RHOJ: variants seen among roughly 807,000 people sequenced by gnomAD.
The protein encoded by RHOJ is rho-related GTP-binding protein RhoJ.
A neutral mutation model predicts 23.4 loss-of-function variants in RHOJ; 11 were observed. The ratio of observed to expected loss-of-function variants is 0.47; its 90% CI spans 0.30 to 0.78. RHOJ has a LOEUF of 0.78. Among genes scored for constraint, RHOJ ranks in the 30% least tolerant of loss-of-function variants. The probability of loss-of-function intolerance (pLI) is 0.08; values close to 1 mark genes in which losing one functional copy is unlikely to be tolerated. For synonymous variants in RHOJ, 102 were observed against 102.7 expected, an observed-to-expected ratio of 0.99 and a Z score of 0.04; for missense variants, 254 against 273.4, an observed-to-expected ratio of 0.93 and a Z score of 0.50.
chr14:63,231,416 T>C (rs145742360), intron 1 of RHOJ, among the ~76,000 whole-genome samples: 43 of 152,348 alleles, frequency 2.8e-4, no homozygotes, highest in Admixed American at 5.9e-4. Context: ...AATCACTTCC[T>C]TTATAACATG....
intron 1 of RHOJ, among the ~76,000 whole-genome samples, chr14:63,258,202 T>C (rs913640119): frequency 3.1e-5 from 4 of 127,846 alleles, no homozygotes; most frequent in Non-Finnish European, 6.3e-5. Flanking sequence ...CACTCCAGCC[T>C]GGGCAACAAG....
intron 1 of RHOJ, among the ~76,000 whole-genome samples, chr14:63,267,900 C>A (rs563546039): frequency 6.6e-6 from 1 of 152,164 alleles, no homozygotes; most frequent in African/African-American, 2.4e-5. Flanking sequence ...GGGGACGTAG[C>A]GCTTTTAAAC....
intron 1 of RHOJ, among the ~76,000 whole-genome samples, chr14:63,244,288 C>T (rs1361345282): frequency 6.6e-6 from 1 of 151,832 alleles, no homozygotes; most frequent in Non-Finnish European, 1.5e-5. Context: ...ATGTTCTGGC[C>T]GGGTGTGGTG....
intron 1 of RHOJ, among the ~76,000 whole-genome samples, chr14:63,245,205 T>G (rs562413162): frequency 5.3e-5 from 8 of 152,340 alleles, no homozygotes; most frequent in African/African-American, 1.9e-4. Context: ...TTCAACTCTT[T>G]CAGTGCTGTT....
At chr14:63,281,971 A>T (rs1267216823) in intron 3 of RHOJ, among the ~76,000 whole-genome samples, 1 of 152,184 alleles carries the variant, frequency 6.6e-6, no homozygotes, top group African/African-American at 2.4e-5. Context: ...AACACAAAGG[A>T]GAGAAAAGAA....
chr14:63,253,184 T>A (rs1895102302), intron 1 of RHOJ, among the ~76,000 whole-genome samples: 1 of 152,218 alleles, frequency 6.6e-6, no homozygotes, highest in Admixed American at 6.5e-5. Context: ...GTCCTGAGCC[T>A]AAGGCTGTCA....
rs759015315 is a variant in RHOJ, at chr14:63,281,085, G to A, written c.352G>A (p.Glu118Lys). The part of the protein sequence containing the change: ...YHNVQEEWVP[E>K]LKDCMPHVPY... ...CAATGTCCAGGAGGAATGGGTCCCC[G>A]AGCTCAAGGACTGCATGCCTCACGT... The change falls in exon 3 of 5, where the codon GAG (glutamate) becomes AAG (lysine). Residue 118 changes from glutamate to lysine, a missense_variant. By Grantham distance (56) the Glu-to-Lys change is moderately conservative. Transcript: ENST00000316754. 8.7e-6 allele frequency: 14 copies of A among 1,613,940 alleles called. No homozygotes were observed. Among genetic ancestry groups the A allele is most frequent in the East Asian group, 4.5e-5 (2 of 44,884 alleles).
At chr14:63,237,208 G>C (rs1184736218) in intron 1 of RHOJ, among the ~76,000 whole-genome samples, 1 of 152,004 alleles carries the variant, frequency 6.6e-6, no homozygotes, top group East Asian at 1.9e-4. Context: ...AGAAATAAGA[G>C]AAAATATGAG....
intron 4 of RHOJ, among the ~76,000 whole-genome samples, chr14:63,284,835 T>C (rs980699605): frequency 6.6e-6 from 1 of 151,010 alleles, no homozygotes; most frequent in Non-Finnish European, 1.5e-5. Context: ...GGGGAAGTTG[T>C]TTTTTTTCTG....
In RHOJ at chr14:63,292,275, C is replaced by T. The variant is rs1413079671; in HGVS notation, c.*1251C>T. On this transcript the variant is annotated 3_prime_UTR_variant, in exon 5 of 5. Coordinates refer to ENST00000316754, the MANE Select transcript of RHOJ (RefSeq NM_020663.5). ...GAGCCATATCAGTGGATACCAAGCT[C>T]TGTATCCATTTGTCCCCTGCCCTCC... 2 of 152,200 alleles carry T rather than the reference C, an allele frequency of 1.3e-5. No homozygotes were observed. Among genetic ancestry groups the T allele is most frequent in the Non-Finnish European group, 2.9e-5 (2 of 68,038 alleles). 9.4% of individuals were successfully genotyped at this position (152,200 alleles called of 1,614,324 possible).
At chr14:63,213,786 T>A (rs1403067585) in intron 1 of RHOJ, among the ~76,000 whole-genome samples, 1 of 152,180 alleles carries the variant, frequency 6.6e-6, no homozygotes, top group Non-Finnish European at 1.5e-5. Context: ...TACCCTGCCA[T>A]CATCTAGGGC....
Position 63,204,825 on chromosome 14 carries a change from G to A in RHOJ, c.-45G>A, listed in dbSNP as rs1226399271. The stretch of plus-strand genomic sequence containing the variant: ...GCTTCATGTGCTTTGGAAAAAGCAG[G>A]AGAAGCAATAGCAGCAGGAGTCCCC... On this transcript the variant is annotated 5_prime_UTR_variant, in exon 1 of 5. Coordinates refer to ENST00000316754, the MANE Select transcript of RHOJ (RefSeq NM_020663.5). 1 of 1,567,934 alleles carries A rather than the reference G, an allele frequency of 6.4e-7. No homozygotes were observed. Among genetic ancestry groups the A allele is most frequent in the African/African-American group, 1.4e-5 (1 of 73,892 alleles).
chr14:63,242,965 G>A (rs1389381530), intron 1 of RHOJ, among the ~76,000 whole-genome samples: 1 of 152,030 alleles, frequency 6.6e-6, no homozygotes, highest in Non-Finnish European at 1.5e-5. Context: ...TCAATATGTT[G>A]TGTCATCCAC....
chr14:63,239,416 ACT>A (rs1894846791), intron 1 of RHOJ, among the ~76,000 whole-genome samples: 1 of 152,154 alleles, frequency 6.6e-6, no homozygotes, highest in Non-Finnish European at 1.5e-5. Flanking sequence ...CCGGCCAACA[ACT>A]CATTTTAAAG....
chr14:63,232,078 G>A (rs543622116), intron 1 of RHOJ, among the ~76,000 whole-genome samples: 5 of 152,130 alleles, frequency 3.3e-5, no homozygotes, highest in Admixed American at 1.3e-4. Context: ...CCGAGGCAGG[G>A]AATGATGCGA....
At chr14:63,217,626 A>G (rs1894394250) in intron 1 of RHOJ, among the ~76,000 whole-genome samples, 1 of 152,192 alleles carries the variant, frequency 6.6e-6, no homozygotes, top group African/African-American at 2.4e-5. Flanking sequence ...GGACACAGGC[A>G]TGGGCAAGGA....
chr14:63,217,010 G>A (rs1410611860), intron 1 of RHOJ, among the ~76,000 whole-genome samples: 1 of 151,838 alleles, frequency 6.6e-6, no homozygotes, highest in East Asian at 1.9e-4. Flanking sequence ...GTCATCCTCA[G>A]ATGATACACC....
rs1368374018 is a variant in RHOJ at position 63,217,154 on chromosome 14, G to A, written c.178+12107G>A. On this transcript the variant is annotated intron_variant, in intron 1 of 4. Coordinates refer to ENST00000316754, the MANE Select transcript of RHOJ (RefSeq NM_020663.5). ...CACATTGTGCAGGTTAGTTACATACGTATACATGTGCCATGCTGGTGCGCT... is the reference window on the plus strand; with the variant it reads ...CACATTGTGCAGGTTAGTTACATACATATACATGTGCCATGCTGGTGCGCT... Among the ~76,000 whole-genome samples the A allele has an allele frequency of 8.1e-5, 12 of 148,570 alleles. No individual in the cohort carries two copies. The East Asian group carries it at 2.2e-3, about 27-fold the overall frequency.
At chr14:63,242,384 T>C (rs749745887) in intron 1 of RHOJ, among the ~76,000 whole-genome samples, 3 of 152,140 alleles carry the variant, frequency 2.0e-5, no homozygotes, top group Non-Finnish European at 4.4e-5. Context: ...CCATGTAACA[T>C]AGCAAGACCT....
Sources: gnomAD v4.1 joint callset for allele counts (sites outside exome capture counted in the v4.1 genomes callset) on GRCh38, gnomAD v4.1.1 for gene constraint, MANE v1.5 for transcripts, NCBI Gene and HGNC (gene_info 2026-07-23, HGNC 2026-07-21) for gene names.